Variants in SLC35F1 observed in about 807,000 individuals in gnomAD.
SLC35F1 encodes solute carrier family 35 member F1, also known as chromosome 6 open reading frame 169.
SLC35F1 carries 14 observed loss-of-function variants against 48.7 expected under a neutral mutation model. The ratio of observed to expected loss-of-function variants is 0.29; its 90% CI spans 0.19 to 0.45. The LOEUF (loss-of-function observed/expected upper bound fraction) is 0.45, where lower values mean the gene tolerates loss of function less well. Ranked by LOEUF, SLC35F1 falls within the 20% of genes least tolerant of loss-of-function variation. SLC35F1 has a pLI of 1.00. For missense variants in SLC35F1, 404 were observed against 500.0 expected (o/e 0.81, Z 1.83); for synonymous variants, 190 against 202.2 (o/e 0.94, Z 0.51).
At chr6:118,087,410 G>C (rs1773007601) in intron 1 of SLC35F1, among the ~76,000 whole-genome samples, 1 of 152,148 alleles carries the variant, frequency 6.6e-6, no homozygotes, top group Non-Finnish European at 1.5e-5. Flanking sequence ...GTTTTGAGGA[G>C]ATCACAATTT....
chr6:118,076,316 C>T lies in SLC35F1; in HGVS notation c.174-78129C>T, dbSNP rs1772817250. On this transcript the variant is annotated intron_variant, in intron 1 of 7. Transcript: ENST00000360388. ...TTATGAGGTGGGAAGTTTTATCTAG[C>T]TAATTGTTTCCAACATTGTTGGTGT... is the stretch of plus-strand genomic sequence containing the variant. Among the ~76,000 whole-genome samples, 3 of 152,214 alleles carry T rather than the reference C, an allele frequency of 2.0e-5. No individual in the cohort carries two copies. The South Asian group carries it at 6.2e-4, about 32-fold the overall frequency.
chr6:118,215,387 C>T (rs1209074861), intron 2 of SLC35F1, among the ~76,000 whole-genome samples: 1 of 151,766 alleles, frequency 6.6e-6, no homozygotes, highest in Admixed American at 6.6e-5. Context: ...AAAGAAAGAT[C>T]AAGAAGTGCT....
chr6:118,188,291 T>G (rs1774686607), intron 2 of SLC35F1, among the ~76,000 whole-genome samples: 1 of 152,226 alleles, frequency 6.6e-6, no homozygotes, highest in Non-Finnish European at 1.5e-5. Context: ...GGCTCACGCC[T>G]GTAATCCCAG....
At chr6:118,130,058 A>C in intron 1 of SLC35F1, among the ~76,000 whole-genome samples, 1 of 152,158 alleles carries the variant, frequency 6.6e-6, no homozygotes, top group East Asian at 1.9e-4. Context: ...TACAATTCTA[A>C]AACATGTTTA....
chr6:117,935,720 G>A (rs1044559236), intron 1 of SLC35F1, among the ~76,000 whole-genome samples: 11 of 152,060 alleles, frequency 7.2e-5, no homozygotes, highest in East Asian at 3.9e-4. Flanking sequence ...TAAAATGACC[G>A]CAAAAAGACA....
chr6:117,912,623 A>C (rs1775776917), intron 1 of SLC35F1, among the ~76,000 whole-genome samples: 1 of 151,710 alleles, frequency 6.6e-6, no homozygotes, highest in African/African-American at 2.4e-5. Flanking sequence ...GATTAATATA[A>C]AATATTCCAA....
intron 1 of SLC35F1, among the ~76,000 whole-genome samples, chr6:118,151,712 T>C (rs1774060303): frequency 6.6e-6 from 1 of 152,056 alleles, no homozygotes; most frequent in South Asian, 2.1e-4. Flanking sequence ...AAATGAAGAC[T>C]CACTATGTTG....
intron 1 of SLC35F1, among the ~76,000 whole-genome samples, chr6:118,089,834 T>G (rs1773047190): frequency 6.6e-6 from 1 of 152,220 alleles, no homozygotes; most frequent in Non-Finnish European, 1.5e-5. Context: ...AATTTGACTT[T>G]GCAAAACTGG....
chr6:118,013,408 C>G (rs1352295660), intron 1 of SLC35F1, among the ~76,000 whole-genome samples: 1 of 152,082 alleles, frequency 6.6e-6, no homozygotes, highest in African/African-American at 2.4e-5. Context: ...CTGAATTTCC[C>G]CCAGAGGAAA....
At chr6:118,017,907 C>T (rs1227742013) in intron 1 of SLC35F1, among the ~76,000 whole-genome samples, 1 of 152,184 alleles carries the variant, frequency 6.6e-6, no homozygotes, top group Non-Finnish European at 1.5e-5. Context: ...TTAGTCCAAA[C>T]TGGCATAGTA....
rs563990635 is a variant in SLC35F1, at chr6:118,126,316, C to T, written c.174-28129C>T. 2.8e-4 allele frequency among the ~76,000 whole-genome samples: 42 copies of T among 152,292 alleles called. 1 individual carries two copies. In the South Asian group the frequency reaches 8.1e-3, roughly 29 times the overall value. On this transcript the variant is annotated intron_variant, in intron 1 of 7. Coordinates refer to ENST00000360388, the MANE Select transcript of SLC35F1 (RefSeq NM_001029858.4). ...AGATATGCGGCGTTATTTCTGAGGGCTCTGTTCTGTTCCATTTATCTATAT... is the reference window on the plus strand; with the variant it reads ...AGATATGCGGCGTTATTTCTGAGGGTTCTGTTCTGTTCCATTTATCTATAT...
chr6:117,927,884 G>C (rs1200109713), intron 1 of SLC35F1, among the ~76,000 whole-genome samples: 2 of 152,164 alleles, frequency 1.3e-5, no homozygotes, highest in Admixed American at 6.5e-5. Context: ...GAGCTAATCA[G>C]AGAAGCTAAT....
intron 3 of SLC35F1, among the ~76,000 whole-genome samples, chr6:118,253,917 G>C (rs921191323): frequency 1.1e-4 from 17 of 152,080 alleles, no homozygotes; most frequent in African/African-American, 4.1e-4. Context: ...AATAGCTACA[G>C]AGCCAGTGGG....
chr6:118,103,923 G>A (rs997000058), intron 1 of SLC35F1, among the ~76,000 whole-genome samples: 1 of 152,164 alleles, frequency 6.6e-6, no homozygotes, highest in African/African-American at 2.4e-5. Flanking sequence ...TTTGCAGTAG[G>A]TTACTGTGTT....
chr6:118,164,988 C>CAGAGAT (rs1461835133), intron 2 of SLC35F1, among the ~76,000 whole-genome samples: 1 of 152,148 alleles, frequency 6.6e-6, no homozygotes, highest in Non-Finnish European at 1.5e-5. Flanking sequence ...GGTATAGAGT[C>CAGAGAT]AGAGATTTTC....
chr6:118,316,892 A>G lies in SLC35F1; in HGVS notation c.*2640A>G, dbSNP rs1413336197. On this transcript the variant is annotated 3_prime_UTR_variant, in exon 8 of 8. Coordinates refer to ENST00000360388, the MANE Select transcript of SLC35F1 (RefSeq NM_001029858.4). ...ATAATATATTGAATTGTTCAAGATCAGGAGTTCCAGACTGACCCTCCAGGA... is the reference window on the plus strand; with the variant it reads ...ATAATATATTGAATTGTTCAAGATCGGGAGTTCCAGACTGACCCTCCAGGA... 6 of 152,550 alleles carry G rather than the reference A, an allele frequency of 3.9e-5. No individual in the cohort carries two copies. The highest frequency in any genetic ancestry group is 3.2e-3 in the Middle Eastern group (1 of 316). The allele number at this position is 152,550 out of a possible 1,614,324, so 9.4% of individuals were successfully genotyped here.
chr6:117,933,407 T>G (rs1375864967), intron 1 of SLC35F1, among the ~76,000 whole-genome samples: 1 of 152,192 alleles, frequency 6.6e-6, no homozygotes, highest in Non-Finnish European at 1.5e-5. Context: ...TAAGCATTTT[T>G]ATAAAGAGGG....
At chr6:118,042,129 T>G (rs1772231302) in intron 1 of SLC35F1, among the ~76,000 whole-genome samples, 1 of 152,186 alleles carries the variant, frequency 6.6e-6, no homozygotes, top group Non-Finnish European at 1.5e-5. Context: ...TATATATTTT[T>G]CCTTTTCTAT....
chr6:117,941,275 G>GT (rs1398527408), intron 1 of SLC35F1, among the ~76,000 whole-genome samples: 2 of 152,062 alleles, frequency 1.3e-5, no homozygotes, highest in African/African-American at 2.4e-5. Context: ...ATTATTTTTA[G>GT]TTTTTTTGGG....
Sources: allele counts gnomAD v4.1 joint callset (sites outside exome capture counted in the v4.1 genomes callset), GRCh38; gene constraint gnomAD v4.1.1; transcripts MANE v1.5; gene names NCBI Gene and HGNC (gene_info 2026-07-23, HGNC 2026-07-21).